RBFOX1: variants seen among roughly 807,000 people sequenced by gnomAD.
RBFOX1 encodes RNA binding protein fox-1 homolog 1.
RBFOX1 carries 8 observed loss-of-function variants against 57.7 expected under a neutral mutation model. That is an observed-to-expected ratio of 0.14 (90% CI 0.08 to 0.25). The LOEUF is 0.25. RBFOX1 is among the 10% of genes least tolerant of loss of function. The pLI, the probability that RBFOX1 is intolerant of heterozygous loss-of-function variation, is 1.00. For synonymous variants in RBFOX1, 326 were observed against 222.4 expected, an observed-to-expected ratio of 1.47 and a Z score of -4.15; for missense variants, 611 against 548.5, an observed-to-expected ratio of 1.11 and a Z score of -1.14.
chr16:6,143,801 G>T lies in RBFOX1; in HGVS notation c.-127+123809G>T, dbSNP rs1007907545. Among the ~76,000 whole-genome samples the T allele has an allele frequency of 3.3e-5, 5 of 151,930 alleles. No homozygotes were observed. The South Asian group carries it at 1.0e-3, about 32-fold the overall frequency. ...TTGCTTTTCACTTGTGTGTTTGTTGGTTTTGTTTTTTAGAGACAGGGTCTT... is the reference window on the plus strand; with the variant it reads ...TTGCTTTTCACTTGTGTGTTTGTTGTTTTTGTTTTTTAGAGACAGGGTCTT... On this transcript the variant is annotated intron_variant, in intron 1 of 15. Coordinates refer to ENST00000550418, the MANE Select transcript of RBFOX1 (RefSeq NM_018723.4).
At chr16:7,005,747 A>C (rs1445459933) in intron 3 of RBFOX1, among the ~76,000 whole-genome samples, 1 of 152,162 alleles carries the variant, frequency 6.6e-6, no homozygotes, top group East Asian at 1.9e-4. Context: ...TCATGTCTGA[A>C]CTCAGTCCAA....
intron 1 of RBFOX1, among the ~76,000 whole-genome samples, chr16:6,266,511 C>A (rs928358884): frequency 6.6e-6 from 1 of 151,944 alleles, no homozygotes; most frequent in African/African-American, 2.4e-5. Context: ...GTCAGGAGTT[C>A]GAGACCAGCC....
At chr16:6,720,870 C>G (rs557681288) in intron 3 of RBFOX1, among the ~76,000 whole-genome samples, 13 of 152,144 alleles carry the variant, frequency 8.5e-5, no homozygotes, top group Non-Finnish European at 1.5e-4. Context: ...CATTCCCTCT[C>G]TTTGCACAAT....
chr16:5,949,573 T>C (rs930893758), intron 4 of RBFOX1, among the ~76,000 whole-genome samples: 1 of 148,810 alleles, frequency 6.7e-6, no homozygotes, highest in African/African-American at 2.5e-5. Context: ...CAATTAAAGA[T>C]AATACATTGC....
At chr16:6,806,608 T>C (rs972911500) in intron 3 of RBFOX1, among the ~76,000 whole-genome samples, 1 of 151,816 alleles carries the variant, frequency 6.6e-6, no homozygotes, top group South Asian at 2.1e-4. Context: ...GATCACATCA[T>C]TGGTTTTTTA....
chr16:7,661,881 G>A (rs1432229596), intron 12 of RBFOX1, among the ~76,000 whole-genome samples: 2 of 152,184 alleles, frequency 1.3e-5, no homozygotes, highest in Non-Finnish European at 2.9e-5. Flanking sequence ...GGAGGACAAA[G>A]CATGGCAATC....
chr16:5,859,896 G>A (rs1199778418), intron 3 of RBFOX1, among the ~76,000 whole-genome samples: 1 of 152,148 alleles, frequency 6.6e-6, no homozygotes, highest in Non-Finnish European at 1.5e-5. Flanking sequence ...GTTGACTCAG[G>A]TTTCTTGGTG....
intron 4 of RBFOX1, among the ~76,000 whole-genome samples, chr16:7,176,726 T>C (rs2081737206): frequency 6.6e-6 from 1 of 152,094 alleles, no homozygotes; most frequent in Non-Finnish European, 1.5e-5. Flanking sequence ...CACAATAAGG[T>C]GATATTCCTA....
chr16:5,779,900 T>C (rs572096962), intron 3 of RBFOX1, among the ~76,000 whole-genome samples: 92 of 152,296 alleles, frequency 6.0e-4, no homozygotes, highest in Non-Finnish European at 1.1e-3. Context: ...GTAAAATAAA[T>C]GGAGATGGTA....
intron 4 of RBFOX1, among the ~76,000 whole-genome samples, chr16:7,213,238 T>C (rs561536859): frequency 1.4e-4 from 22 of 152,158 alleles, no homozygotes; most frequent in African/African-American, 5.1e-4. Context: ...GAGGCATCAG[T>C]TTTTCCCCCT....
intron 3 of RBFOX1, among the ~76,000 whole-genome samples, chr16:5,812,603 G>C (rs1477944235): frequency 6.6e-6 from 1 of 151,812 alleles, no homozygotes; most frequent in Admixed American, 6.6e-5. Flanking sequence ...AAGACTACAA[G>C]TGTGTGCCAT....
chr16:6,389,058 G>C (rs2092455725), intron 2 of RBFOX1, among the ~76,000 whole-genome samples: 1 of 151,994 alleles, frequency 6.6e-6, no homozygotes, highest in Non-Finnish European at 1.5e-5. Context: ...CCTTTTTTTA[G>C]TCTTTTCACC....
chr16:6,960,797 T>G (rs1421769324), intron 3 of RBFOX1, among the ~76,000 whole-genome samples: 1 of 151,912 alleles, frequency 6.6e-6, no homozygotes, highest in Non-Finnish European at 1.5e-5. Context: ...CTGTAGGGAT[T>G]GGCCCAGGGT....
chr16:7,559,717 G>C (rs928705451), intron 5 of RBFOX1, among the ~76,000 whole-genome samples: 9 of 152,228 alleles, frequency 5.9e-5, no homozygotes, highest in African/African-American at 1.9e-4. Flanking sequence ...CCAGAAGCCA[G>C]AGTAAGAACT....
chr16:6,270,638 A>C (rs1404245202), intron 1 of RBFOX1, among the ~76,000 whole-genome samples: 1 of 152,200 alleles, frequency 6.6e-6, no homozygotes, highest in Admixed American at 6.5e-5. Flanking sequence ...AATTATAGTC[A>C]GAGGCTAAAC....
chr16:6,106,956 C>T (rs141377333), intron 1 of RBFOX1, among the ~76,000 whole-genome samples: 35 of 152,198 alleles, frequency 2.3e-4, no homozygotes, highest in Non-Finnish European at 4.6e-4. Context: ...CAGGCGTGAG[C>T]CACCATGCCT....
At chr16:6,969,743 C>G (rs368114267) in intron 3 of RBFOX1, among the ~76,000 whole-genome samples, 1 of 151,878 alleles carries the variant, frequency 6.6e-6, no homozygotes, top group Non-Finnish European at 1.5e-5. Flanking sequence ...GACCCTGTCT[C>G]AAATAAATAA....
intron 4 of RBFOX1, among the ~76,000 whole-genome samples, chr16:5,908,061 T>A (rs2058504293): frequency 8.7e-6 from 1 of 114,534 alleles, no homozygotes; most frequent in Admixed American, 9.0e-5. Flanking sequence ...GATGTATGTA[T>A]GTGTGTATGT....
chr16:5,282,485 T>A (rs2063296684), intron 1 of RBFOX1, among the ~76,000 whole-genome samples: 1 of 152,152 alleles, frequency 6.6e-6, no homozygotes, highest in South Asian at 2.1e-4. Flanking sequence ...TGGAAGAAAT[T>A]TCCTAGAGCC....
Sources: gnomAD v4.1 joint callset for allele counts (sites outside exome capture counted in the v4.1 genomes callset) on GRCh38, gnomAD v4.1.1 for gene constraint, MANE v1.5 for transcripts, NCBI Gene and HGNC (gene_info 2026-07-23, HGNC 2026-07-21) for gene names.